CCDC90B: variants seen among roughly 807,000 people sequenced by gnomAD.
CCDC90B encodes the protein coiled-coil domain-containing protein 90B, mitochondrial.
Under a neutral mutation model 37.0 loss-of-function variants are expected in CCDC90B, and 24 were observed. That is an observed-to-expected ratio of 0.65 (90% CI 0.47 to 0.91). The LOEUF is 0.91. Among genes scored for constraint, CCDC90B ranks in the 40% least tolerant of loss-of-function variants. The pLI is 0.00. For missense variants in CCDC90B, 319 were observed against 299.0 expected (o/e 1.07, Z -0.49); for synonymous variants, 113 against 101.1 (o/e 1.12, Z -0.71).
At position 83,265,860 on chromosome 11, in the gene CCDC90B, C is replaced by T. The variant is rs1366447783; in HGVS notation, c.709+5G>A. 5 of 1,566,336 alleles carry T rather than the reference C, an allele frequency of 3.2e-6. No individual in the cohort carries two copies. The highest frequency in any genetic ancestry group is 1.4e-5 in the African/African-American group (1 of 73,844). On this transcript the variant is annotated splice_donor_5th_base_variant and intron_variant, in intron 8 of 8. Transcript: ENST00000529689. ...GACAGCAATTTCTTTCTCTGACAGT[C>T]TTACCTGCAAGATAACGAATTGTCT...
intron 4 of CCDC90B, 160 bp from the exon 5 acceptor site, chr11:83,274,152 G>A (rs1424418900): frequency 9.2e-6 from 4 of 434,628 alleles, no homozygotes; most frequent in African/African-American, 6.1e-5. Context: ...GTAAGCCACT[G>A]TATTCAGAAA....
At chr11:83,285,170 C>A (rs1408006193) in intron 1 of CCDC90B, 1 of 1,284,074 alleles carries the variant, frequency 7.8e-7, no homozygotes, top group Admixed American at 2.4e-5. Context: ...TAAGAGGTGC[C>A]TATTCGCCTA....
intron 1 of CCDC90B, chr11:83,285,242 AAAAC>A: frequency 7.8e-7 from 1 of 1,283,402 alleles, no homozygotes; most frequent in Non-Finnish European, 1.0e-6. Context: ...CTGGGGGTGA[AAAAC>A]AACGACGACA....
At position 83,285,977 on chromosome 11, in the gene CCDC90B, T is replaced by G. The variant is rs76297588; in HGVS notation, c.-5A>C. 7,254 of 1,607,726 alleles carry G rather than the reference T, an allele frequency of 4.5e-3. 157 individuals are homozygous for G. In the African/African-American group the frequency reaches 0.062, roughly 14 times the overall value. On this transcript the variant is annotated 5_prime_UTR_variant, in exon 1 of 9. Transcript: ENST00000529689. ...CCAAGCCTGGCGACTATTCATGTCCTCAGAGTTTTCCGGTGGGAGGGAGGC... is the reference window on the plus strand; with the variant it reads ...CCAAGCCTGGCGACTATTCATGTCCGCAGAGTTTTCCGGTGGGAGGGAGGC...
At chr11:83,271,369 A>AGAT (rs1864651597) in intron 7 of CCDC90B, among the ~76,000 whole-genome samples, 1 of 152,230 alleles carries the variant, frequency 6.6e-6, no homozygotes, top group African/African-American at 2.4e-5. Flanking sequence ...TTTGCAATCT[A>AGAT]CCCATCTGAC....
chr11:83,284,181 G>A (rs1237273494), intron 1 of CCDC90B, among the ~76,000 whole-genome samples: 1 of 151,874 alleles, frequency 6.6e-6, no homozygotes, highest in Non-Finnish European at 1.5e-5. Context: ...TTGTTTGTTC[G>A]TAATAGCGAG....
intron 7 of CCDC90B, chr11:83,266,857 T>A (rs1362009635): frequency 6.6e-6 from 1 of 152,342 alleles, no homozygotes; most frequent in Non-Finnish European, 1.5e-5. Flanking sequence ...CAGTAGGGGC[T>A]GACACACACC....
intron 3 of CCDC90B, among the ~76,000 whole-genome samples, chr11:83,276,341 T>C (rs1865025917): frequency 6.6e-6 from 1 of 152,118 alleles, no homozygotes; most frequent in Non-Finnish European, 1.5e-5. Context: ...AACCTGAAAA[T>C]AAGGGATTGT....
intron 7 of CCDC90B, among the ~76,000 whole-genome samples, chr11:83,271,596 A>G (rs1591043049): frequency 1.3e-5 from 2 of 152,254 alleles, no homozygotes; most frequent in African/African-American, 4.8e-5. Context: ...AATGGCAGTC[A>G]TTAAAAAGTC....
chr11:83,273,609 G>C lies in CCDC90B; in HGVS notation c.594+38C>G, dbSNP rs1320774129. ...ATAAAAGCAGTTATACAAGGCACAA[G>C]AACTGTACAAAAGAGACATTTTTAC... On this transcript the variant is annotated intron_variant, in intron 7 of 8. Coordinates refer to ENST00000529689, the MANE Select transcript of CCDC90B (RefSeq NM_021825.5). The C allele has an allele frequency of 4.1e-6, 6 of 1,470,426 alleles. No homozygotes were observed. The South Asian group carries it at 6.2e-5, about 15-fold the overall frequency. The allele number at this position is 1,470,426 out of a possible 1,614,324, so 91.1% of individuals were successfully genotyped here.
At position 83,286,313 on chromosome 11, in the gene CCDC90B, C is replaced by A. The variant is rs552915332; in HGVS notation, c.-341G>T. On this transcript the variant is annotated 5_prime_UTR_variant, in exon 1 of 9. Transcript: ENST00000529689. ...GGGCATAGTCCAACAGCTGGCTCCC[C>A]CAAGATAGCCAGCGGCCATTACGCG... The A allele has an allele frequency of 1.1e-6, 1 of 903,948 alleles. No homozygotes were observed. The highest frequency in any genetic ancestry group is 1.6e-6 in the Non-Finnish European group (1 of 609,742). The allele number at this position is 903,948 out of a possible 1,614,324, so 56.0% of individuals were successfully genotyped here.
chr11:83,283,904 G>A (rs747074172), intron 1 of CCDC90B, among the ~76,000 whole-genome samples: 1 of 152,172 alleles, frequency 6.6e-6, no homozygotes, highest in African/African-American at 2.4e-5. Flanking sequence ...ACAGGCTGCA[G>A]GGAGCCGAGA....
chr11:83,274,922 A>G (rs1864932779), intron 3 of CCDC90B, among the ~76,000 whole-genome samples, 182 bp from the exon 4 acceptor site: 1 of 152,196 alleles, frequency 6.6e-6, no homozygotes, highest in African/African-American at 2.4e-5. Context: ...GATTCAAGGA[A>G]GAAAAAAAGG....
intron 1 of CCDC90B, 161 bp downstream of exon 1, chr11:83,285,712 G>C: frequency 1.4e-6 from 2 of 1,437,090 alleles, no homozygotes; most frequent in Non-Finnish European, 9.1e-7. Context: ...GGCGAGCTGG[G>C]CAAGTCGGGG....
At chr11:83,274,395 ATTTTG>A (rs1373989714) in intron 4 of CCDC90B, 4 of 281,312 alleles carry the variant, frequency 1.4e-5, no homozygotes, top group Non-Finnish European at 1.9e-5. Context: ...TAGCTCAAAG[ATTTTG>A]TTTTATGTGG....
intron 7 of CCDC90B, among the ~76,000 whole-genome samples, chr11:83,268,429 CAA>C (rs140579518): frequency 2.2e-3 from 321 of 144,298 alleles, no homozygotes; most frequent in African/African-American, 4.6e-3. Flanking sequence ...AAATGGAAAG[CAA>C]AAAAAAAAAA....
intron 7 of CCDC90B, among the ~76,000 whole-genome samples, chr11:83,271,560 A>G (rs574723679): frequency 3.3e-5 from 5 of 152,316 alleles, no homozygotes; most frequent in Admixed American, 2.6e-4. Context: ...CAAAACCACA[A>G]TGAGATACCA....
At chr11:83,267,953 T>G (rs745366754) in intron 7 of CCDC90B, among the ~76,000 whole-genome samples, 44 of 152,308 alleles carry the variant, frequency 2.9e-4, no homozygotes, top group Non-Finnish European at 4.6e-4. Flanking sequence ...GGGGCCAATA[T>G]TCAACATTCT....
chr11:83,280,223 C>T lies in CCDC90B; in HGVS notation c.138G>A (p.Arg46=). Residue 46 remains arginine, a synonymous_variant, in exon 2 of 9, where the codon AGG becomes AGA. Coordinates refer to ENST00000529689, the MANE Select transcript of CCDC90B (RefSeq NM_021825.5). The stretch of plus-strand genomic sequence containing the variant: ...CTAAAGGAGTTATATCCACTGGCCG[C>T]CTATCATATCCCTCCTTGGTTGTGG... ...FTTTTKEGYD[R]RPVDITPLEQ... The T allele has an allele frequency of 6.2e-7, 1 of 1,613,324 alleles. No homozygotes were observed. Among genetic ancestry groups the T allele is most frequent in the South Asian group, 1.1e-5 (1 of 91,026 alleles).
Sources: gnomAD v4.1 joint callset for allele counts (sites outside exome capture counted in the v4.1 genomes callset) on GRCh38, gnomAD v4.1.1 for gene constraint, MANE v1.5 for transcripts, NCBI Gene and HGNC (gene_info 2026-07-23, HGNC 2026-07-21) for gene names.